Variants in RNMT observed in about 807,000 individuals in gnomAD.
RNMT encodes the protein RNA guanine-7 methyltransferase.
In RNMT, 27 loss-of-function variants were observed where a neutral mutation model predicts 56.0. The observed-to-expected ratio is 0.48, with a 90% CI of 0.36 to 0.67. RNMT has a LOEUF of 0.67. Ranked by LOEUF, RNMT falls within the 30% of genes least tolerant of loss-of-function variation. The pLI is 0.00. For synonymous variants in RNMT, 184 were observed against 176.2 expected (o/e 1.04, Z -0.35); for missense variants, 519 against 552.1 (o/e 0.94, Z 0.60).
At chr18:13,740,121 C>G in intron 5 of RNMT, 46 bp from the exon 6 acceptor site, 2 of 1,133,906 alleles carry the variant, frequency 1.8e-6, no homozygotes, top group South Asian at 1.3e-5. Flanking sequence ...GTCTAGATTT[C>G]TGGCATTCTG....
intron 1 of RNMT, among the ~76,000 whole-genome samples, chr18:13,729,698 G>C (rs1435478509): frequency 2.0e-5 from 3 of 151,796 alleles, no homozygotes; most frequent in African/African-American, 7.3e-5. Flanking sequence ...TGAGTGACTT[G>C]TTACCCATTC....
At position 13,740,153 on chromosome 18, in the gene RNMT, T is replaced by G; in HGVS notation, c.680-14T>G. On this transcript the variant is annotated splice_polypyrimidine_tract_variant and intron_variant, in intron 5 of 11. Coordinates refer to ENST00000383314, the MANE Select transcript of RNMT (RefSeq NM_003799.3). ...TCTGTGTTGATACTTACTAATACCCTTCCATCCTTCCAGATATTGCCGATG... is the reference window on the plus strand; with the variant it reads ...TCTGTGTTGATACTTACTAATACCCGTCCATCCTTCCAGATATTGCCGATG... 3 of 1,504,670 alleles carry G rather than the reference T, an allele frequency of 2.0e-6. No individual in the cohort carries two copies. The highest frequency in any genetic ancestry group is 2.8e-6 in the Non-Finnish European group (3 of 1,081,194). 93.2% of individuals were successfully genotyped at this position (1,504,670 alleles called of 1,614,324 possible).
In RNMT at chr18:13,762,007, C is replaced by G. The variant is rs2044626374; in HGVS notation, c.*2028C>G. 3.3e-6 allele frequency: 5 copies of G among 1,535,848 alleles called. No individual in the cohort carries two copies. The highest frequency in any genetic ancestry group is 2.6e-6 in the Non-Finnish European group (3 of 1,146,744). Reference sequence around the variant, plus strand: ...CTAGTAGGACTCTTCCTTGACACACCTTGTCGTCTAAATGTTCGGTATTCT... The same window carrying G: ...CTAGTAGGACTCTTCCTTGACACACGTTGTCGTCTAAATGTTCGGTATTCT... On this transcript the variant is annotated 3_prime_UTR_variant, in exon 12 of 12. Coordinates refer to ENST00000383314, the MANE Select transcript of RNMT (RefSeq NM_003799.3).
Position 13,761,843 on chromosome 18 carries a change from A to AACC in RNMT, c.*1864_*1865insACC. The AACC allele has an allele frequency of 1.7e-6, 2 of 1,149,692 alleles. No homozygotes were observed. The highest frequency in any genetic ancestry group is 1.1e-6 in the Non-Finnish European group (1 of 920,690). The allele number at this position is 1,149,692 out of a possible 1,614,324, so 71.2% of individuals were successfully genotyped here. A position where few individuals can be genotyped will look rare whatever the true frequency, so the allele number is the denominator to read the frequency against. On this transcript the variant is annotated 3_prime_UTR_variant, in exon 12 of 12. Transcript: ENST00000383314. ...ATCAGTTCTTCCTCCACCACCCTAC[A>AACC]CCCCCCTCCCCCCGGCCCCAAGCCC...
rs758223882 is a variant in RNMT at position 13,746,276 on chromosome 18, A to G, written c.1196A>G (p.Tyr399Cys). 4.4e-6 allele frequency: 7 copies of G among 1,578,142 alleles called. No homozygotes were observed. The South Asian group carries it at 7.9e-5, about 18-fold the overall frequency. ...TACAAAAAAACATTTCTGGAATTCTACGAAGAAAAGATTAAGAACAATGAA... is the reference window on the plus strand; with the variant it reads ...TACAAAAAAACATTTCTGGAATTCTGCGAAGAAAAGATTAAGAACAATGAA... The part of the protein sequence containing the change: ...LVYKKTFLEF[Y>C]EEKIKNNENK... Residue 399 changes from tyrosine to cysteine, a missense_variant, in exon 9 of 12, where the codon TAC becomes TGC. By Grantham distance (194) the Tyr-to-Cys change is radical (BLOSUM62 -2). Coordinates refer to ENST00000383314, the MANE Select transcript of RNMT (RefSeq NM_003799.3).
Position 13,761,809 on chromosome 18 carries a change from T to C in RNMT, c.*1830T>C. 1 of 1,320,074 alleles carries C rather than the reference T, an allele frequency of 7.6e-7. No homozygotes were observed. The highest frequency in any genetic ancestry group is 1.6e-5 in the South Asian group (1 of 62,344). 81.8% of individuals were successfully genotyped at this position (1,320,074 alleles called of 1,614,324 possible). On this transcript the variant is annotated 3_prime_UTR_variant, in exon 12 of 12. Coordinates refer to ENST00000383314, the MANE Select transcript of RNMT (RefSeq NM_003799.3). ...CCTTCCTCCTTGAGCTTTGCCTGTC[T>C]CTTGCCTTATCAGTTCTTCCTCCAC... is the stretch of plus-strand genomic sequence containing the variant.
chr18:13,763,175 A>G lies in RNMT; in HGVS notation c.*3196A>G, dbSNP rs1437197095. 8.8e-6 allele frequency: 4 copies of G among 455,606 alleles called. No homozygotes were observed. The highest frequency in any genetic ancestry group is 1.6e-5 in the South Asian group (1 of 64,512). 28.2% of individuals were successfully genotyped at this position (455,606 alleles called of 1,614,324 possible). ...AACCTCCCTAGTTGCTGCTATATCA[A>G]ACACTGCACACTTGACAAGTGTTTT... is the stretch of plus-strand genomic sequence containing the variant. On this transcript the variant is annotated 3_prime_UTR_variant, in exon 12 of 12. Transcript: ENST00000383314.
intron 1 of RNMT, among the ~76,000 whole-genome samples, chr18:13,729,882 C>T (rs2044038663): frequency 6.6e-6 from 1 of 151,982 alleles, no homozygotes; most frequent in African/African-American, 2.4e-5. Flanking sequence ...TCACTGCAGC[C>T]TGGACCTCCT....
In RNMT at chr18:13,739,998, G is replaced by C. The variant is rs537025148; in HGVS notation, c.680-169G>C. Among the ~76,000 whole-genome samples, 5 of 152,242 alleles carry C rather than the reference G, an allele frequency of 3.3e-5. No individual in the cohort carries two copies. The East Asian group carries it at 9.7e-4, about 29-fold the overall frequency. On this transcript the variant is annotated intron_variant, in intron 5 of 11. Transcript: ENST00000383314. ...ACGCTTTTAGTTCCTCTTGAAAACTGATAGGGTATTTGCGTCGGAACAAAG... is the reference window on the plus strand; with the variant it reads ...ACGCTTTTAGTTCCTCTTGAAAACTCATAGGGTATTTGCGTCGGAACAAAG...
At chr18:13,759,487 A>G (rs1174228885) in intron 11 of RNMT, among the ~76,000 whole-genome samples, 1 of 152,168 alleles carries the variant, frequency 6.6e-6, no homozygotes, top group Admixed American at 6.5e-5. Context: ...CAATAATTGG[A>G]TAATTGGGTG....
chr18:13,742,798 A>G, intron 8 of RNMT, 146 bp downstream of exon 8: 1 of 587,002 alleles, frequency 1.7e-6, no homozygotes, highest in Non-Finnish European at 2.8e-6. Flanking sequence ...TGTTTTTAAA[A>G]AAAAAAAACA....
chr18:13,756,539 A>T (rs1180657091), intron 11 of RNMT, among the ~76,000 whole-genome samples: 1 of 152,152 alleles, frequency 6.6e-6, no homozygotes, highest in Admixed American at 6.6e-5. Flanking sequence ...ATGTGTTGCA[A>T]GTGCTGGGGA....
chr18:13,761,410 GTTTTCA>G lies in RNMT; in HGVS notation c.*1434_*1439del, dbSNP rs774646431. ...GTCTTCCTGTCACATATGCAGGTTC[GTTTTCA>G]TTCTAGGGCAGTGCCAGGAAGTATA... On this transcript the variant is annotated 3_prime_UTR_variant, in exon 12 of 12. Transcript: ENST00000383314. The G allele has an allele frequency of 7.1e-6, 7 of 985,460 alleles. No homozygotes were observed. Among genetic ancestry groups the G allele is most frequent in the Non-Finnish European group, 8.4e-6 (7 of 829,968 alleles). 61.0% of individuals were successfully genotyped at this position (985,460 alleles called of 1,614,324 possible).
intron 7 of RNMT, among the ~76,000 whole-genome samples, 190 bp downstream of exon 7, chr18:13,741,881 C>T (rs530576010): frequency 1.3e-5 from 2 of 152,264 alleles, no homozygotes; most frequent in East Asian, 3.9e-4. Context: ...TTTAACAGTT[C>T]ATCTTTGTGT....
chr18:13,761,067 AAATTATT>A lies in RNMT; in HGVS notation c.*1091_*1097del, dbSNP rs763569717. The A allele has an allele frequency of 2.0e-5, 20 of 985,132 alleles. No individual in the cohort carries two copies. Among genetic ancestry groups the A allele is most frequent in the Non-Finnish European group, 2.4e-5 (20 of 829,756 alleles). The allele number at this position is 985,132 out of a possible 1,614,324, so 61.0% of individuals were successfully genotyped here. On this transcript the variant is annotated 3_prime_UTR_variant, in exon 12 of 12. Transcript: ENST00000383314. ...GCAGAGCAATTGAGTATTCTTTTTT[AAATTATT>A]AAGCCATGATTTACAAAAACATTAC...
chr18:13,758,802 A>C (rs2044583004), intron 11 of RNMT, among the ~76,000 whole-genome samples: 1 of 152,108 alleles, frequency 6.6e-6, no homozygotes, highest in Admixed American at 6.6e-5. Context: ...CTTGTTCACT[A>C]AGCTTAGTCA....
At chr18:13,747,956 C>T (rs1397999921) in intron 9 of RNMT, among the ~76,000 whole-genome samples, 1 of 152,122 alleles carries the variant, frequency 6.6e-6, no homozygotes, top group African/African-American at 2.4e-5. Context: ...ATTATTTAGC[C>T]TTTCTCTTAG....
chr18:13,758,578 G>T (rs1315337450), intron 11 of RNMT, among the ~76,000 whole-genome samples: 1 of 152,138 alleles, frequency 6.6e-6, no homozygotes, highest in African/African-American at 2.4e-5. Flanking sequence ...GAGAGAGTTA[G>T]GGCCTCTGAA....
At chr18:13,746,940 C>T (rs1313212131) in intron 9 of RNMT, among the ~76,000 whole-genome samples, 1 of 152,176 alleles carries the variant, frequency 6.6e-6, no homozygotes, top group African/African-American at 2.4e-5. Context: ...CCTCTCCTGT[C>T]CTAATGCAGC....
Sources: allele counts gnomAD v4.1 joint callset (sites outside exome capture counted in the v4.1 genomes callset), GRCh38; gene constraint gnomAD v4.1.1; transcripts MANE v1.5; gene names NCBI Gene and HGNC (gene_info 2026-07-23, HGNC 2026-07-21).